Variants in CCDC175 observed in about 807,000 individuals in gnomAD.
CCDC175 encodes coiled-coil domain containing 175.
In CCDC175, 100 loss-of-function variants were observed where a neutral mutation model predicts 114.6. That is an observed-to-expected ratio of 0.87 (90% CI 0.74 to 1.03). The LOEUF is 1.03. Ranked by LOEUF, CCDC175 falls within the 50% of genes least tolerant of loss-of-function variation. CCDC175 has a pLI of 0.00. For missense variants in CCDC175, 880 were observed against 917.8 expected (o/e 0.96, Z 0.53); for synonymous variants, 306 against 308.7 (o/e 0.99, Z 0.09).
At chr14:59,525,475 C>T (rs1169749778) in intron 15 of CCDC175, 41 bp from the exon 16 acceptor site, 2 of 1,456,740 alleles carry the variant, frequency 1.4e-6, no homozygotes, top group Non-Finnish European at 1.8e-6. Flanking sequence ...TGAGTTCAAA[C>T]AGTAGGGCAC....
intron 14 of CCDC175, among the ~76,000 whole-genome samples, chr14:59,528,818 T>C (rs1328923703): frequency 1.3e-5 from 2 of 152,202 alleles, no homozygotes; most frequent in South Asian, 2.1e-4. Context: ...AATTTTCCTA[T>C]TGAATTTTAA....
intron 2 of CCDC175, among the ~76,000 whole-genome samples, chr14:59,574,336 AT>A (rs1340494156): frequency 6.6e-6 from 1 of 152,208 alleles, no homozygotes; most frequent in Non-Finnish European, 1.5e-5. Context: ...CCAAGGAAGC[AT>A]TGTCAATGTG....
rs1348575971 is a variant in CCDC175 at position 59,560,244 on chromosome 14, AAT to A, written c.953+873_953+874del. 2.0e-5 allele frequency among the ~76,000 whole-genome samples: 3 copies of A among 152,228 alleles called. No individual in the cohort carries two copies. In the South Asian group the frequency reaches 6.2e-4, roughly 32 times the overall value. ...TATAATTTTAATTACAATATATTCAAATATATATAGAAATGAGCCATGTTATA... is the reference window on the plus strand; with the variant it reads ...TATAATTTTAATTACAATATATTCAAATATATAGAAATGAGCCATGTTATA... On this transcript the variant is annotated intron_variant, in intron 7 of 19. Transcript: ENST00000537690.
intron 13 of CCDC175, among the ~76,000 whole-genome samples, chr14:59,535,727 G>T (rs1252121129): frequency 6.6e-6 from 1 of 152,186 alleles, no homozygotes; most frequent in Non-Finnish European, 1.5e-5. Context: ...TGGCTTTCTA[G>T]CCCAGACACA....
chr14:59,570,296 C>A (rs1896772682), intron 3 of CCDC175, among the ~76,000 whole-genome samples: 1 of 152,134 alleles, frequency 6.6e-6, no homozygotes, highest in Admixed American at 6.5e-5. Flanking sequence ...AGGAAGAGAA[C>A]CCCTTCCTCC....
chr14:59,538,664 C>G, intron 12 of CCDC175, 41 bp downstream of exon 12: 1 of 1,445,100 alleles, frequency 6.9e-7, no homozygotes, highest in Non-Finnish European at 9.2e-7. Context: ...TGCTGATATG[C>G]AATGTAGGGG....
intron 8 of CCDC175, among the ~76,000 whole-genome samples, chr14:59,549,634 C>T (rs1377016442): frequency 1.3e-4 from 19 of 148,994 alleles, no homozygotes; most frequent in Non-Finnish European, 2.1e-4. Context: ...GCAGGAGAAT[C>T]GCTTGAACCC....
intron 19 of CCDC175, 111 bp from the exon 20 acceptor site, chr14:59,505,426 T>C (rs1181127103): frequency 6.3e-6 from 3 of 474,788 alleles, no homozygotes; most frequent in South Asian, 4.3e-5. Flanking sequence ...AATTGAGTAA[T>C]TGTATAATCG....
intron 17 of CCDC175, 146 bp from the exon 18 acceptor site, chr14:59,511,949 C>A: frequency 1.6e-6 from 1 of 624,632 alleles, no homozygotes. Context: ...TGAATTGGAC[C>A]TGCCCTCCCA....
chr14:59,519,032 G>A (rs1449610453), intron 17 of CCDC175, among the ~76,000 whole-genome samples: 1 of 152,150 alleles, frequency 6.6e-6, no homozygotes, highest in East Asian at 1.9e-4. Flanking sequence ...CATGGATGGA[G>A]CTGGAAACCA....
At chr14:59,576,552 C>A in intron 1 of CCDC175, 67 bp downstream of exon 1, 2 of 1,336,954 alleles carry the variant, frequency 1.5e-6, no homozygotes, top group South Asian at 3.6e-5. Context: ...CTCAGGGTTC[C>A]CGCTGAGTGC....
intron 6 of CCDC175, among the ~76,000 whole-genome samples, chr14:59,562,253 T>C (rs1204055931): frequency 1.3e-5 from 2 of 152,204 alleles, no homozygotes; most frequent in Non-Finnish European, 2.9e-5. Context: ...AAGGGTCACA[T>C]GCTATTATTT....
At chr14:59,505,525 A>G (rs569648107) in intron 19 of CCDC175, 21 of 336,894 alleles carry the variant, frequency 6.2e-5, no homozygotes, top group Non-Finnish European at 1.1e-4. Flanking sequence ...CATTTTTTTC[A>G]TATGTCCTGT....
chr14:59,509,941 G>C (rs532442781), intron 19 of CCDC175, among the ~76,000 whole-genome samples: 54 of 152,114 alleles, frequency 3.5e-4, no homozygotes, highest in Non-Finnish European at 6.9e-4. Context: ...CAGTATTCTT[G>C]TTTCATCACT....
intron 7 of CCDC175, among the ~76,000 whole-genome samples, chr14:59,558,178 GGAA>G (rs1288292221): frequency 1.3e-5 from 2 of 152,100 alleles, no homozygotes; most frequent in Non-Finnish European, 1.5e-5. Flanking sequence ...GTGTGTTCGA[GGAA>G]GAAGGATGGT....
At position 59,568,994 on chromosome 14, in the gene CCDC175, A is replaced by G. The variant is rs191660100; in HGVS notation, c.356-614T>C. On this transcript the variant is annotated intron_variant, in intron 3 of 19. Transcript: ENST00000537690. ...CTAATAAAATAATAATGCAAAAGCC[A>G]TTGCCTCAGGCTCTGCTTTTTGGGG... Among the ~76,000 whole-genome samples the G allele has an allele frequency of 8.5e-5, 13 of 152,320 alleles. No individual in the cohort carries two copies. In the East Asian group the frequency reaches 2.5e-3, roughly 29 times the overall value.
At chr14:59,511,832 G>T in intron 17 of CCDC175, 29 bp from the exon 18 acceptor site, 2 of 1,425,232 alleles carry the variant, frequency 1.4e-6, no homozygotes, top group Non-Finnish European at 1.9e-6. Flanking sequence ...AAATACAATG[G>T]TTACTGACAC....
At chr14:59,547,604 T>C (rs1895192461) in intron 8 of CCDC175, among the ~76,000 whole-genome samples, 2 of 152,218 alleles carry the variant, frequency 1.3e-5, no homozygotes, top group African/African-American at 2.4e-5. Flanking sequence ...AAGGAAAGGA[T>C]TGTATTTTCA....
intron 13 of CCDC175, among the ~76,000 whole-genome samples, chr14:59,537,012 A>T (rs772521771): frequency 1.3e-5 from 2 of 152,074 alleles, no homozygotes; most frequent in South Asian, 4.1e-4. Context: ...TGAACTCCTG[A>T]CATCGTGATC....
Sources: gnomAD v4.1 joint callset for allele counts (sites outside exome capture counted in the v4.1 genomes callset) on GRCh38, gnomAD v4.1.1 for gene constraint, MANE v1.5 for transcripts, NCBI Gene and HGNC (gene_info 2026-07-23, HGNC 2026-07-21) for gene names.